TLL2: variants seen among roughly 807,000 people sequenced by gnomAD.
The protein encoded by TLL2 is tolloid like 2.
TLL2 carries 106 observed loss-of-function variants against 123.0 expected under a neutral mutation model. That is an observed-to-expected ratio of 0.86 (90% CI 0.74 to 1.01). TLL2 has a LOEUF of 1.01. Among genes scored for constraint, TLL2 ranks in the 50% least tolerant of loss-of-function variants. TLL2 has a pLI of 0.00. For synonymous variants in TLL2, 494 were observed against 516.8 expected (o/e 0.96, Z 0.60); for missense variants, 1,332 against 1,336.7 (o/e 1.00, Z 0.06).
intron 7 of TLL2, among the ~76,000 whole-genome samples, chr10:96,417,637 G>A (rs927068057): frequency 1.3e-5 from 2 of 152,144 alleles, no homozygotes; most frequent in Admixed American, 6.5e-5. Context: ...CAGCTTCCCC[G>A]CTTGCTCTCT....
At position 96,366,572 on chromosome 10, in the gene TLL2, A is replaced by G. The variant is rs1437284220; in HGVS notation, c.*1516T>C. On this transcript the variant is annotated 3_prime_UTR_variant, in exon 21 of 21. Coordinates refer to ENST00000357947, the MANE Select transcript of TLL2 (RefSeq NM_012465.4). ...GTTTTTGCTCCCAGCAATCACTTTA[A>G]TGAGACACAGTCCTCTGGTGCCACA... 1 of 152,634 alleles carries G rather than the reference A, an allele frequency of 6.6e-6. No homozygotes were observed. Among genetic ancestry groups the G allele is most frequent in the Non-Finnish European group, 1.5e-5 (1 of 68,042 alleles). 9.5% of individuals were successfully genotyped at this position (152,634 alleles called of 1,614,324 possible).
chr10:96,392,447 G>GT (rs201122210), intron 13 of TLL2, among the ~76,000 whole-genome samples: 24,294 of 146,422 alleles, frequency 0.17, 1,993 homozygotes, highest in South Asian at 0.19. Flanking sequence ...TAGGCATCCT[G>GT]TTTTTTTTTT....
chr10:96,489,956 C>T (rs11188790), intron 1 of TLL2, among the ~76,000 whole-genome samples: 44,511 of 151,670 alleles, frequency 0.29, 7,458 homozygotes, highest in Middle Eastern at 0.45. Flanking sequence ...ATTAGCCAGG[C>T]GTGGTTGTGC....
Position 96,403,859 on chromosome 10 carries a change from C to T in TLL2, c.1267+1373G>A, listed in dbSNP as rs578236842. On this transcript the variant is annotated intron_variant, in intron 10 of 20. Transcript: ENST00000357947. ...AGAAAAACTGCCCTGTGGTGGGAGG[C>T]AAGATATGTTTGCAGCAATGCTGCC... Among the ~76,000 whole-genome samples the T allele has an allele frequency of 2.0e-3, 300 of 151,926 alleles. 3 individuals carry two copies. The highest frequency in any genetic ancestry group is 5.5e-3 in the African/African-American group (228 of 41,312).
intron 2 of TLL2, among the ~76,000 whole-genome samples, chr10:96,477,139 G>C (rs971335528): frequency 6.8e-5 from 10 of 146,490 alleles, no homozygotes; most frequent in Middle Eastern, 3.6e-3. Context: ...TACTATTCTA[G>C]GTAGACGCAA....
chr10:96,417,850 G>A (rs1030303347), intron 7 of TLL2, among the ~76,000 whole-genome samples: 2 of 152,188 alleles, frequency 1.3e-5, no homozygotes, highest in African/African-American at 4.8e-5. Flanking sequence ...GTGATCCCAG[G>A]AAAGACCAGA....
intron 16 of TLL2, 101 bp downstream of exon 16, chr10:96,384,486 G>A (rs951947841): frequency 1.0e-5 from 13 of 1,273,004 alleles, no homozygotes; most frequent in East Asian, 2.6e-5. Context: ...GGATGCAGGA[G>A]CAAGCAAAGA....
intron 8 of TLL2, among the ~76,000 whole-genome samples, chr10:96,411,257 C>CAAAAAAAAAA (rs56011735): frequency 2.1e-5 from 2 of 95,162 alleles, no homozygotes; most frequent in African/African-American, 8.9e-5. Flanking sequence ...GACTCTGTCT[C>CAAAAAAAAAA]AAAAAAAAAA....
At chr10:96,376,112 C>T (rs1224133933) in intron 18 of TLL2, among the ~76,000 whole-genome samples, 1 of 152,082 alleles carries the variant, frequency 6.6e-6, no homozygotes, top group Non-Finnish European at 1.5e-5. Context: ...AACTTAGTCT[C>T]CTATTACTAA....
Position 96,368,083 on chromosome 10 carries a change from C to T in TLL2, c.*5G>A. On this transcript the variant is annotated 3_prime_UTR_variant, in exon 21 of 21. Transcript: ENST00000357947. ...CTCAGTTTCTGTCTTTCAAGAACAT[C>T]AGCACTATTTCTTCATGTGCAGGGC... The T allele has an allele frequency of 6.2e-7, 1 of 1,613,792 alleles. No individual in the cohort carries two copies. Among genetic ancestry groups the T allele is most frequent in the Non-Finnish European group, 8.5e-7 (1 of 1,179,928 alleles).
In TLL2 at chr10:96,370,257, C is replaced by T. The variant is rs145717161; in HGVS notation, c.2721G>A (p.Gln907=). Residue 907 remains glutamine (Q), a synonymous_variant, in exon 20 of 21, where the codon CAG becomes CAA. Coordinates refer to ENST00000357947, the MANE Select transcript of TLL2 (RefSeq NM_012465.4). ...VQTKELYSHA[Q]FGDNNYPSEA... ...CGCTCGGGTAGTTGTTGTCCCCAAACTGGGCGTGGGAATAGAGCTCTTTGG... is the reference window on the plus strand; with the variant it reads ...CGCTCGGGTAGTTGTTGTCCCCAAATTGGGCGTGGGAATAGAGCTCTTTGG... 6.2e-7 allele frequency: 1 copy of T among 1,612,160 alleles called. No homozygotes were observed. Among genetic ancestry groups the T allele is most frequent in the Non-Finnish European group, 8.5e-7 (1 of 1,178,932 alleles).
intron 2 of TLL2, among the ~76,000 whole-genome samples, chr10:96,474,550 C>T (rs545030684): frequency 6.6e-6 from 1 of 152,276 alleles, no homozygotes; most frequent in South Asian, 2.1e-4. Flanking sequence ...TGGGGGCCTG[C>T]ACAGGCACAT....
intron 7 of TLL2, among the ~76,000 whole-genome samples, chr10:96,417,173 C>T (rs1589417374): frequency 6.6e-6 from 1 of 152,208 alleles, no homozygotes; most frequent in African/African-American, 2.4e-5. Context: ...TGCCCTTTTA[C>T]AGAATCCAAC....
chr10:96,471,167 AT>A (rs34627868), intron 2 of TLL2, among the ~76,000 whole-genome samples: 82,878 of 151,510 alleles, frequency 0.55, 22,932 homozygotes, highest in Middle Eastern at 0.64. Flanking sequence ...CACTTGGCTA[AT>A]TTTTTTTTGT....
At chr10:96,469,989 G>A (rs1294514609) in intron 2 of TLL2, among the ~76,000 whole-genome samples, 3 of 152,114 alleles carry the variant, frequency 2.0e-5, no homozygotes, top group African/African-American at 4.8e-5. Context: ...GGGGCAGGGT[G>A]ATGATGAGGG....
intron 2 of TLL2, among the ~76,000 whole-genome samples, chr10:96,468,547 C>A (rs1022054741): frequency 6.6e-6 from 1 of 152,234 alleles, no homozygotes; most frequent in African/African-American, 2.4e-5. Flanking sequence ...AAAAGACGCT[C>A]CTCTATTTGA....
chr10:96,506,502 C>G (rs188224925), intron 1 of TLL2, among the ~76,000 whole-genome samples: 422 of 151,262 alleles, frequency 2.8e-3, no homozygotes, highest in Non-Finnish European at 5.0e-3. Flanking sequence ...GCATGAGATG[C>G]CCTGCTGACC....
chr10:96,399,063 G>C (rs1011321099), intron 10 of TLL2, among the ~76,000 whole-genome samples: 1 of 151,692 alleles, frequency 6.6e-6, no homozygotes, highest in African/African-American at 2.4e-5. Flanking sequence ...AGTAGAGATG[G>C]GGTTTCACCG....
chr10:96,509,987 CT>C lies in TLL2; in HGVS notation c.175+3523del, dbSNP rs371538081. On this transcript the variant is annotated intron_variant, in intron 1 of 20. Coordinates refer to ENST00000357947, the MANE Select transcript of TLL2 (RefSeq NM_012465.4). ...TAAATAAATAAATAAGTAAATAAAA[CT>C]GGCCTTTTGTCTACCCTGCAAGGCA... is the stretch of plus-strand genomic sequence containing the variant. 1.3e-3 allele frequency among the ~76,000 whole-genome samples: 204 copies of C among 152,272 alleles called. 2 individuals are homozygous for C. The highest frequency in any genetic ancestry group is 4.8e-3 in the African/African-American group (199 of 41,552).
Sources: allele counts gnomAD v4.1 joint callset (sites outside exome capture counted in the v4.1 genomes callset), GRCh38; gene constraint gnomAD v4.1.1; transcripts MANE v1.5; gene names NCBI Gene and HGNC (gene_info 2026-07-23, HGNC 2026-07-21).